ROBO1: variants seen among roughly 807,000 people sequenced by gnomAD.
ROBO1 encodes roundabout guidance receptor 1.
Under a neutral mutation model 195.9 loss-of-function variants are expected in ROBO1, and 149 were observed. That is an observed-to-expected ratio of 0.76 (90% CI 0.67 to 0.87). The LOEUF is 0.87. Among genes scored for constraint, ROBO1 ranks in the 40% least tolerant of loss-of-function variants. The pLI is 0.00. For synonymous variants in ROBO1, 816 were observed against 733.2 expected, an observed-to-expected ratio of 1.11 and a Z score of -1.82; for missense variants, 1,933 against 2,068.3, an observed-to-expected ratio of 0.93 and a Z score of 1.27.
At chr3:78,937,189 G>C (rs555695953) in intron 4 of ROBO1, among the ~76,000 whole-genome samples, 17 of 151,696 alleles carry the variant, frequency 1.1e-4, no homozygotes, top group Non-Finnish European at 2.4e-4. Flanking sequence ...ACATTCTCTA[G>C]GGCTGATTTC....
At chr3:79,588,446 C>A (rs748169176) in intron 2 of ROBO1, among the ~76,000 whole-genome samples, 1 of 151,558 alleles carries the variant, frequency 6.6e-6, no homozygotes, top group Non-Finnish European at 1.5e-5. Context: ...AATTTGTTGA[C>A]CTGTAGGAGT....
intron 10 of ROBO1, among the ~76,000 whole-genome samples, chr3:78,679,942 C>G (rs1160427590): frequency 6.6e-6 from 1 of 152,088 alleles, no homozygotes; most frequent in Admixed American, 6.6e-5. Flanking sequence ...TACTACAAGG[C>G]TACAGTAACC....
chr3:78,741,791 C>A (rs987675396), intron 5 of ROBO1, among the ~76,000 whole-genome samples: 2 of 152,078 alleles, frequency 1.3e-5, no homozygotes, highest in Non-Finnish European at 2.9e-5. Flanking sequence ...ACCAGTTAAA[C>A]TACTTTTATT....
chr3:79,544,046 G>A (rs926602354), intron 2 of ROBO1, among the ~76,000 whole-genome samples: 5 of 151,968 alleles, frequency 3.3e-5, no homozygotes, highest in Admixed American at 2.6e-4. Flanking sequence ...TGCATTGAAG[G>A]ATTTTTAATA....
intron 1 of ROBO1, among the ~76,000 whole-genome samples, chr3:79,754,768 C>T (rs1704298456): frequency 6.6e-6 from 1 of 152,202 alleles, no homozygotes; most frequent in Admixed American, 6.5e-5. Context: ...ACCATATTTA[C>T]TAGTCTGTTA....
At chr3:79,721,262 T>C (rs945298625) in intron 1 of ROBO1, among the ~76,000 whole-genome samples, 1 of 152,148 alleles carries the variant, frequency 6.6e-6, no homozygotes, top group Non-Finnish European at 1.5e-5. Flanking sequence ...AGATAATTAC[T>C]CTCCTCTATT....
intron 2 of ROBO1, among the ~76,000 whole-genome samples, chr3:79,294,057 CAAAAAA>C (rs71631641): frequency 3.1e-4 from 9 of 29,054 alleles, no homozygotes; most frequent in African/African-American, 7.0e-4. Context: ...GACTCCATCT[CAAAAAA>C]AAAAAAAAAA....
intron 3 of ROBO1, among the ~76,000 whole-genome samples, chr3:79,041,701 T>A (rs1172239201): frequency 6.6e-6 from 1 of 152,094 alleles, no homozygotes; most frequent in Non-Finnish European, 1.5e-5. Context: ...CATGTGGTTA[T>A]CCCACACAGA....
intron 2 of ROBO1, among the ~76,000 whole-genome samples, chr3:79,492,760 A>G (rs540755493): frequency 6.6e-6 from 1 of 152,238 alleles, no homozygotes; most frequent in South Asian, 2.1e-4. Flanking sequence ...ATGAATTTGT[A>G]TGAGATCCAC....
At chr3:78,854,714 G>T (rs2034303335) in intron 4 of ROBO1, among the ~76,000 whole-genome samples, 1 of 151,886 alleles carries the variant, frequency 6.6e-6, no homozygotes, top group South Asian at 2.1e-4. Flanking sequence ...TCATTTTATT[G>T]CAAATATTAA....
At chr3:79,451,539 T>C (rs1406454938) in intron 2 of ROBO1, among the ~76,000 whole-genome samples, 2 of 152,176 alleles carry the variant, frequency 1.3e-5, no homozygotes, top group East Asian at 3.8e-4. Flanking sequence ...ATTATGCACA[T>C]GCTTTAAATC....
chr3:79,567,551 T>A (rs966558303), intron 2 of ROBO1, among the ~76,000 whole-genome samples: 1 of 152,180 alleles, frequency 6.6e-6, no homozygotes, highest in African/African-American at 2.4e-5. Flanking sequence ...CTGGTATTAA[T>A]TATTCATTTC....
intron 2 of ROBO1, among the ~76,000 whole-genome samples, chr3:79,583,239 T>G (rs1409787779): frequency 6.6e-6 from 1 of 152,014 alleles, no homozygotes; most frequent in Non-Finnish European, 1.5e-5. Flanking sequence ...ATGTAGTTAT[T>G]AAGTTTGAAT....
rs964813121 is a variant in ROBO1, at chr3:78,777,699, T to C, written c.500-30799A>G. Among the ~76,000 whole-genome samples, 6 of 152,340 alleles carry C rather than the reference T, an allele frequency of 3.9e-5. No homozygotes were observed. The East Asian group carries it at 9.7e-4, about 25-fold the overall frequency. On this transcript the variant is annotated intron_variant, in intron 4 of 30. Coordinates refer to ENST00000464233, the MANE Select transcript of ROBO1 (RefSeq NM_002941.4). ...ACTTTGTATTATAAATTTTTTCACA[T>C]TGATTTTGTATCCTGAGACTTTGCT... is the stretch of plus-strand genomic sequence containing the variant.
intron 14 of ROBO1, among the ~76,000 whole-genome samples, chr3:78,667,535 T>G (rs1707806753): frequency 6.6e-6 from 1 of 151,990 alleles, no homozygotes; most frequent in South Asian, 2.1e-4. Flanking sequence ...TTTGTACCCG[T>G]TAACCATCCC....
At position 78,805,870 on chromosome 3, in the gene ROBO1, G is replaced by A. The variant is rs529530452; in HGVS notation, c.500-58970C>T. On this transcript the variant is annotated intron_variant, in intron 4 of 30. Transcript: ENST00000464233. ...TTATTTTAGCCAGTGATACATTTGT[G>A]CTAAAATTATAAAATTATTATACAG... Among the ~76,000 whole-genome samples, 5 of 152,088 alleles carry A rather than the reference G, an allele frequency of 3.3e-5. No homozygotes were observed. In the South Asian group the frequency reaches 1.0e-3, roughly 32 times the overall value.
intron 2 of ROBO1, among the ~76,000 whole-genome samples, chr3:79,445,614 A>C (rs1006341561): frequency 7.1e-6 from 1 of 141,348 alleles, no homozygotes; most frequent in African/African-American, 2.7e-5. Flanking sequence ...ATCCTATCTC[A>C]CCCTCCCGAG....
intron 5 of ROBO1, among the ~76,000 whole-genome samples, chr3:78,726,809 A>C (rs1389114825): frequency 6.6e-6 from 1 of 152,192 alleles, no homozygotes; most frequent in East Asian, 1.9e-4. Flanking sequence ...ATGATCCCTA[A>C]GGACTCCTTT....
chr3:79,511,389 A>T (rs1237405794), intron 2 of ROBO1, among the ~76,000 whole-genome samples: 2 of 152,174 alleles, frequency 1.3e-5, no homozygotes, highest in Non-Finnish European at 2.9e-5. Flanking sequence ...CTTTGGATGG[A>T]TATATTAGTA....
Sources: allele counts gnomAD v4.1 joint callset (sites outside exome capture counted in the v4.1 genomes callset), GRCh38; gene constraint gnomAD v4.1.1; transcripts MANE v1.5; gene names NCBI Gene and HGNC (gene_info 2026-07-23, HGNC 2026-07-21).